DDAH1: variants seen among roughly 807,000 people sequenced by gnomAD.
DDAH1 encodes the protein N(G),N(G)-dimethylarginine dimethylaminohydrolase 1.
Under a neutral mutation model 28.8 loss-of-function variants are expected in DDAH1, and 19 were observed. The observed-to-expected ratio is 0.66, with a 90% CI of 0.46 to 0.97. The LOEUF (loss-of-function observed/expected upper bound fraction) is 0.97, where lower values mean the gene tolerates loss of function less well. DDAH1 is among the 50% of genes least tolerant of loss of function. DDAH1 has a pLI of 0.00. For synonymous variants in DDAH1, 153 were observed against 154.4 expected, an observed-to-expected ratio of 0.99 and a Z score of 0.07; for missense variants, 326 against 375.9, an observed-to-expected ratio of 0.87 and a Z score of 1.10.
intron 1 of DDAH1, among the ~76,000 whole-genome samples, chr1:85,391,187 A>G (rs796753756): frequency 1.4e-4 from 21 of 152,326 alleles, no homozygotes; most frequent in African/African-American, 4.8e-4. Context: ...TGCTTTCTTT[A>G]TAAGAAAAAC....
chr1:85,519,660 A>G (rs1419729880), intron 1 of DDAH1, among the ~76,000 whole-genome samples: 1 of 152,228 alleles, frequency 6.6e-6, no homozygotes, highest in East Asian at 1.9e-4. Flanking sequence ...TCTTAAACTT[A>G]TCAATAATCA....
chr1:85,539,296 G>A (rs1226303904), intron 1 of DDAH1, among the ~76,000 whole-genome samples: 5 of 152,088 alleles, frequency 3.3e-5, no homozygotes, highest in South Asian at 2.1e-4. Flanking sequence ...ACAGGCTCCC[G>A]CCACCATACT....
At chr1:85,496,378 G>C (rs1198892981) in intron 1 of DDAH1, 3 of 200,292 alleles carry the variant, frequency 1.5e-5, no homozygotes, top group Admixed American at 6.5e-5. Flanking sequence ...AGAGAGAAGA[G>C]AATTCATGAA....
chr1:85,435,234 C>T (rs992778745), intron 1 of DDAH1: 1 of 152,146 alleles, frequency 6.6e-6, no homozygotes, highest in African/African-American at 2.4e-5. Context: ...AAGAGTTCGA[C>T]CTGTAACTGA....
At chr1:85,504,961 CTTTTTTTTTTTTTTTTTTTTTTTT>C (rs61209793) in intron 1 of DDAH1, among the ~76,000 whole-genome samples, 2 of 60,836 alleles carry the variant, frequency 3.3e-5, no homozygotes, top group East Asian at 6.6e-4. Context: ...CTCAATGATT[CTTTTTTTTTTTTTTTTTTTTTTTT>C]TTTTTTTTTT....
chr1:85,573,288 C>G (rs1266804521), intron 1 of DDAH1, among the ~76,000 whole-genome samples: 1 of 152,200 alleles, frequency 6.6e-6, no homozygotes, highest in East Asian at 1.9e-4. Flanking sequence ...TTTCTAAATT[C>G]TGGATGTGCT....
chr1:85,559,829 T>A (rs534883217), intron 1 of DDAH1, among the ~76,000 whole-genome samples: 1 of 151,090 alleles, frequency 6.6e-6, no homozygotes, highest in African/African-American at 2.4e-5. Flanking sequence ...TGAACAGAGC[T>A]TTTTGTCTTG....
intron 1 of DDAH1, among the ~76,000 whole-genome samples, chr1:85,421,369 C>T (rs892122906): frequency 2.0e-5 from 3 of 152,176 alleles, no homozygotes; most frequent in Non-Finnish European, 2.9e-5. Flanking sequence ...TCTCCTCCAC[C>T]CGCTTCAGTG....
At chr1:85,410,380 C>T (rs2100594875) in intron 1 of DDAH1, among the ~76,000 whole-genome samples, 1 of 152,210 alleles carries the variant, frequency 6.6e-6, no homozygotes, top group East Asian at 1.9e-4. Context: ...TGGCCCATGC[C>T]TGTAATCCCA....
chr1:85,481,687 C>T (rs549017308), intron 2 of DDAH1, among the ~76,000 whole-genome samples: 10 of 152,286 alleles, frequency 6.6e-5, no homozygotes, highest in African/African-American at 2.4e-4. Context: ...GAGGCAGTTA[C>T]ATGGAAAACC....
chr1:85,357,945 A>G (rs1052614371), intron 2 of DDAH1, among the ~76,000 whole-genome samples: 4 of 152,204 alleles, frequency 2.6e-5, no homozygotes. Flanking sequence ...AGCTGTTCAT[A>G]TTTTGTTGAG....
At chr1:85,466,284 C>T (rs1433926150), upstream of DDAH1, among the ~76,000 whole-genome samples, 1 of 152,222 alleles carries the variant, frequency 6.6e-6, no homozygotes, top group Non-Finnish European at 1.5e-5. Flanking sequence ...GAGTTTCACT[C>T]TTGTTGCCCA....
chr1:85,365,609 G>A (rs1650031489), intron 1 of DDAH1, among the ~76,000 whole-genome samples: 1 of 152,142 alleles, frequency 6.6e-6, no homozygotes, highest in African/African-American at 2.4e-5. Context: ...ATATGGATAT[G>A]CAGACACACT....
Position 85,374,956 on chromosome 1 carries a change from T to C in DDAH1, c.304-16109A>G, listed in dbSNP as rs1216160226. ...TTCAAGACCTAACCCAAAGCAGAGA[T>C]ACAGACTTTTATGGTGGTAATATAA... On this transcript the variant is annotated intron_variant, in intron 1 of 5. Transcript: ENST00000284031. Among the ~76,000 whole-genome samples the C allele has an allele frequency of 2.0e-5, 3 of 152,110 alleles. No individual in the cohort carries two copies. In the East Asian group the frequency reaches 5.8e-4, roughly 29 times the overall value.
intron 1 of DDAH1, among the ~76,000 whole-genome samples, chr1:85,529,027 A>T: frequency 6.6e-6 from 1 of 150,854 alleles, no homozygotes; most frequent in Non-Finnish European, 1.5e-5. Flanking sequence ...CATATGCAGC[A>T]GGAGGATGAA....
chr1:85,464,452 C>A lies in DDAH1; in HGVS notation c.303+291G>T. 6.8e-7 allele frequency: 1 copy of A among 1,468,586 alleles called. No individual in the cohort carries two copies. Among genetic ancestry groups the A allele is most frequent in the African/African-American group, 1.4e-5 (1 of 71,272 alleles). 91.0% of individuals were successfully genotyped at this position (1,468,586 alleles called of 1,614,324 possible). A position where few individuals can be genotyped will look rare whatever the true frequency, so the allele number is the denominator to read the frequency against. On this transcript the variant is annotated intron_variant, in intron 1 of 5. Coordinates refer to ENST00000284031, the MANE Select transcript of DDAH1 (RefSeq NM_012137.4). This position sits in a 1 kb window ranked among gnomAD's most constrained non-coding sequence, Gnocchi z 4.4. ...ACTGTCGTCGCTGCCGTTTAATTTT[C>A]ACAAATAAAAATGCCCGTGAGACGG...
rs1252708801 is a variant in DDAH1 at position 85,464,848 on chromosome 1, C to G, written c.198G>C (p.Pro66=). The G allele has an allele frequency of 6.9e-6, 11 of 1,587,520 alleles. No homozygotes were observed. The highest frequency in any genetic ancestry group is 9.4e-6 in the Non-Finnish European group (11 of 1,174,770). Residue 66 remains proline (P), a synonymous_variant, in exon 1 of 6, where the codon CCG becomes CCC. Coordinates refer to ENST00000284031, the MANE Select transcript of DDAH1 (RefSeq NM_012137.4). This position sits in a 1 kb window ranked among gnomAD's most constrained non-coding sequence, Gnocchi z 4.4. ...SKLGLQVVEL[P]ADESLPDCVF... ...CGCAGTCCGGAAGGCTCTCGTCGGC[C>G]GGCAGCTCCACCACCTGCAGCCCCA...
At chr1:85,327,921 A>G (rs1375711586) in intron 4 of DDAH1, among the ~76,000 whole-genome samples, 1 of 152,194 alleles carries the variant, frequency 6.6e-6, no homozygotes, top group Non-Finnish European at 1.5e-5. Flanking sequence ...ATATGTTTGC[A>G]CTAACTGGTT....
intron 1 of DDAH1, among the ~76,000 whole-genome samples, chr1:85,458,103 G>T (rs1027958448): frequency 6.6e-6 from 1 of 152,230 alleles, no homozygotes; most frequent in African/African-American, 2.4e-5. Flanking sequence ...CCATCCAGCT[G>T]CAAAAGCAGC....
Sources: allele counts gnomAD v4.1 joint callset (sites outside exome capture counted in the v4.1 genomes callset), GRCh38; gene constraint gnomAD v4.1.1; non-coding constraint Gnocchi (gnomAD v3.1); transcripts MANE v1.5; gene names NCBI Gene and HGNC (gene_info 2026-07-23, HGNC 2026-07-21).